PLEKHG2: variants seen among roughly 807,000 people sequenced by gnomAD.
The protein encoded by PLEKHG2 is pleckstrin homology domain-containing family G member 2.
Under a neutral mutation model 104.4 loss-of-function variants are expected in PLEKHG2, and 71 were observed. The ratio of observed to expected loss-of-function variants is 0.68; its 90% CI spans 0.56 to 0.83. The LOEUF is 0.83. PLEKHG2 is among the 40% of genes least tolerant of loss of function. The pLI, the probability that PLEKHG2 is intolerant of heterozygous loss-of-function variation, is 0.00. For missense variants in PLEKHG2, 1,730 were observed against 1,809.4 expected, an observed-to-expected ratio of 0.96 and a Z score of 0.80; for synonymous variants, 728 against 737.0, an observed-to-expected ratio of 0.99 and a Z score of 0.20.
In PLEKHG2 at chr19:39,425,342, TA is replaced by T; in HGVS notation, c.*49del. On this transcript the variant is annotated 3_prime_UTR_variant, in exon 19 of 19. Coordinates refer to ENST00000425673, the MANE Select transcript of PLEKHG2 (RefSeq NM_022835.3). ...AAGCAAGGATTTCAGCCAGATGCCA[TA>T]GACCCTCAGAACTTGACCTGGAAGT... 6.4e-7 allele frequency: 1 copy of T among 1,567,154 alleles called. No homozygotes were observed. Among genetic ancestry groups the T allele is most frequent in the East Asian group, 2.3e-5 (1 of 44,266 alleles).
intron 17 of PLEKHG2, 25 bp from the exon 18 acceptor site, chr19:39,422,707 G>T (rs757316890): frequency 2.6e-6 from 4 of 1,510,946 alleles, no homozygotes. Context: ...GATATGTTTG[G>T]CTTGTTCTCC....
intron 17 of PLEKHG2, 132 bp downstream of exon 17, chr19:39,422,420 G>T: frequency 9.3e-7 from 1 of 1,071,078 alleles, no homozygotes; most frequent in Non-Finnish European, 1.3e-6. Flanking sequence ...CTCTGTTGCC[G>T]AGGCTGGAGT....
intron 11 of PLEKHG2, among the ~76,000 whole-genome samples, chr19:39,419,498 T>C (rs1326129107): frequency 6.6e-6 from 1 of 152,108 alleles, no homozygotes; most frequent in Admixed American, 6.5e-5. Context: ...TCCCAACACT[T>C]TGGGAGACCA....
Position 39,425,051 on chromosome 19 carries a change from C to A in PLEKHG2, c.3918C>A (p.Gly1306=), listed in dbSNP as rs1251919088. The change falls in exon 19 of 19, where the codon GGC becomes GGA. Residue 1306 remains glycine (G), a synonymous_variant. Coordinates refer to ENST00000425673, the MANE Select transcript of PLEKHG2 (RefSeq NM_022835.3). ...PGGGAPAASR[G]SWSSAPTSRA... ...GAGGGGCCCCCGCAGCCTCCCGGGG[C>A]TCCTGGTCCTCTGCTCCCACGTCAC... The A allele has an allele frequency of 6.3e-7, 1 of 1,598,428 alleles. No individual in the cohort carries two copies. Among genetic ancestry groups the A allele is most frequent in the Admixed American group, 1.7e-5 (1 of 57,288 alleles).
At chr19:39,417,081 A>T in intron 7 of PLEKHG2, 81 bp downstream of exon 7, 2 of 1,455,692 alleles carry the variant, frequency 1.4e-6, no homozygotes, top group Non-Finnish European at 1.8e-6. Context: ...TGGAGGATGG[A>T]CCCCCCACGA....
chr19:39,417,756 T>TGGGGGGGGGGCTTGGGGGGGGGG, intron 8 of PLEKHG2, 64 bp downstream of exon 8: 2 of 343,300 alleles, frequency 5.8e-6, no homozygotes, highest in Non-Finnish European at 8.9e-6. Flanking sequence ...TTGGGGCGGG[T>TGGGGGGGGGGCTTGGGGGGGGGG]GGGGGGAAAT....
Position 39,414,062 on chromosome 19 carries a change from C to T in PLEKHG2, c.-22-3C>T, listed in dbSNP as rs1214557680. On this transcript the variant is annotated splice_region_variant and splice_polypyrimidine_tract_variant and intron_variant, in intron 1 of 18. Coordinates refer to ENST00000425673, the MANE Select transcript of PLEKHG2 (RefSeq NM_022835.3). ...GATATCCAAGAAGGGGCTCTTTCTGCAGGACTCTGCTGGGCCGCTCAGCCA... is the reference window on the plus strand; with the variant it reads ...GATATCCAAGAAGGGGCTCTTTCTGTAGGACTCTGCTGGGCCGCTCAGCCA... 1 of 1,543,788 alleles carries T rather than the reference C, an allele frequency of 6.5e-7. No individual in the cohort carries two copies. The highest frequency in any genetic ancestry group is 8.8e-7 in the Non-Finnish European group (1 of 1,140,842).
At position 39,418,805 on chromosome 19, in the gene PLEKHG2, C is replaced by G. The variant is rs754730104; in HGVS notation, c.1155C>G (p.Pro385=). 3 of 1,610,634 alleles carry G rather than the reference C, an allele frequency of 1.9e-6. No individual in the cohort carries two copies. Among genetic ancestry groups the G allele is most frequent in the Non-Finnish European group, 2.5e-6 (3 of 1,177,222 alleles). The change falls in exon 10 of 19, where the codon CCC becomes CCG. Residue 385 remains proline (P), a synonymous_variant. Coordinates refer to ENST00000425673, the MANE Select transcript of PLEKHG2 (RefSeq NM_022835.3). ...TCAAGGTGTCTGATCTGACCATTCC[C>G]AAGCACAGACACCTGCTCCAGGTGA... The part of the protein sequence containing the change: ...LGFKVSDLTI[P]KHRHLLQAKN...
In PLEKHG2 at chr19:39,425,212, A is replaced by C; in HGVS notation, c.4079A>C (p.His1360Pro). 1 of 1,613,134 alleles carries C rather than the reference A, an allele frequency of 6.2e-7. No individual in the cohort carries two copies. The highest frequency in any genetic ancestry group is 8.5e-7 in the Non-Finnish European group (1 of 1,179,942). Residue 1360 changes from histidine to proline, a missense_variant, in exon 19 of 19, where the codon CAC (histidine) becomes CCC (proline). His to Pro is a moderately conservative substitution (Grantham distance 77). Transcript: ENST00000425673. Reference protein sequence around the residue: ...RPAKAQVRLNHPALLASTQES... With the variant: ...RPAKAQVRLNPPALLASTQES... Reference sequence around the variant, plus strand: ...GCCAAGGCCCAGGTCCGGTTGAACCACCCTGCTCTCTTGGCCTCCACACAG... The same window carrying C: ...GCCAAGGCCCAGGTCCGGTTGAACCCCCCTGCTCTCTTGGCCTCCACACAG...
intron 11 of PLEKHG2, 50 bp from the exon 12 acceptor site, chr19:39,420,576 G>C: frequency 6.2e-7 from 1 of 1,612,774 alleles, no homozygotes; most frequent in Non-Finnish European, 8.5e-7. Flanking sequence ...TATCCTCTCT[G>C]TGGTACTCCA....
Position 39,413,973 on chromosome 19 carries a change from A to G in PLEKHG2, c.-22-92A>G. On this transcript the variant is annotated intron_variant, in intron 1 of 18. Transcript: ENST00000425673. This position sits in a 1 kb window ranked among gnomAD's most constrained non-coding sequence, Gnocchi z 4.5. ...CCCAGGGGCCCCTCCCTGGATTTAC[A>G]CCACGCTCCTAATTCCCAGCCCCCA... 1.2e-6 allele frequency: 1 copy of G among 840,826 alleles called. No individual in the cohort carries two copies. 52.1% of individuals were successfully genotyped at this position (840,826 alleles called of 1,614,324 possible).
In PLEKHG2 at chr19:39,418,854, A is replaced by G. The variant is rs1469453458; in HGVS notation, c.1176+28A>G. The G allele has an allele frequency of 3.1e-6, 5 of 1,596,188 alleles. No individual in the cohort carries two copies. In the African/African-American group the frequency reaches 4.0e-5, roughly 13 times the overall value. ...GAGCATGTAGTGGGATCAGGCTGGC[A>G]GGGATCCCCCAGCCTCGAGACCTCA... On this transcript the variant is annotated intron_variant, in intron 10 of 18. Coordinates refer to ENST00000425673, the MANE Select transcript of PLEKHG2 (RefSeq NM_022835.3).
Position 39,418,081 on chromosome 19 carries a change from G to C in PLEKHG2, c.1059G>C (p.Glu353Asp). ...TGGTGGCCAAGCGCAGGGGGCTGGA[G>C]TACACCTACAAAGGCCACATCTTCG... The part of the protein sequence containing the change: ...MLLVAKRRGL[E>D]YTYKGHIFCC... The change falls in exon 9 of 19, where the codon GAG becomes GAC. Residue 353 changes from glutamate (E) to aspartate (D), a missense_variant. Physicochemically the swap from Glu to Asp is conservative, Grantham distance 45 (BLOSUM62 2). Coordinates refer to ENST00000425673, the MANE Select transcript of PLEKHG2 (RefSeq NM_022835.3). 2 of 1,523,216 alleles carry C rather than the reference G, an allele frequency of 1.3e-6. No homozygotes were observed. The highest frequency in any genetic ancestry group is 1.4e-5 in the African/African-American group (1 of 72,052). 94.4% of individuals were successfully genotyped at this position (1,523,216 alleles called of 1,614,324 possible).
At chr19:39,422,052 T>C in intron 16 of PLEKHG2, 63 bp from the exon 17 acceptor site, 1 of 1,493,386 alleles carries the variant, frequency 6.7e-7, no homozygotes, top group Non-Finnish European at 9.0e-7. Context: ...GATTGGGACT[T>C]GGGGTCCTCT....
At position 39,416,385 on chromosome 19, in the gene PLEKHG2, G is replaced by A. The variant is rs138517241; in HGVS notation, c.517G>A (p.Gly173Arg). ...LEDLENSSSA[G>R]GIAECFVQRS... Reference sequence around the variant, plus strand: ...GGACTTGGAGAACAGCAGCAGCGCCGGGGGTATTGCCGAGTGCTTCGTGCA... The same window carrying A: ...GGACTTGGAGAACAGCAGCAGCGCCAGGGGTATTGCCGAGTGCTTCGTGCA... The change falls in exon 5 of 19, where the codon GGG (glycine) becomes AGG (arginine). Residue 173 changes from glycine to arginine, a missense_variant. Gly to Arg is a moderately radical substitution (Grantham distance 125). Coordinates refer to ENST00000425673, the MANE Select transcript of PLEKHG2 (RefSeq NM_022835.3). This position sits in a 1 kb window ranked among gnomAD's most constrained non-coding sequence, Gnocchi z 4.5. 7.4e-6 allele frequency: 12 copies of A among 1,613,028 alleles called. No homozygotes were observed. Among genetic ancestry groups the A allele is most frequent in the Admixed American group, 3.3e-5 (2 of 59,972 alleles).
Position 39,417,627 on chromosome 19 carries a change from A to G in PLEKHG2, c.817A>G (p.Met273Val), listed in dbSNP as rs146030563. 1.9e-6 allele frequency: 3 copies of G among 1,614,010 alleles called. No homozygotes were observed. The highest frequency in any genetic ancestry group is 2.5e-6 in the Non-Finnish European group (3 of 1,180,010). The change falls in exon 8 of 19, where the codon ATG becomes GTG. Residue 273 changes from methionine to valine, a missense_variant. Physicochemically the swap from Met to Val is conservative, Grantham distance 21 (BLOSUM62 1). Transcript: ENST00000425673. ...GATGGTGGAGGAAGCTATTGTGTCC[A>G]TGACAGCGGTTGCCTGGTACATCAA... ...REMVEEAIVSMTAVAWYINDM... is the reference protein window; with the variant it reads ...REMVEEAIVSVTAVAWYINDM...
Position 39,418,095 on chromosome 19 carries a change from G to C in PLEKHG2, c.1073G>C (p.Gly358Ala), listed in dbSNP as rs185199326. Reference sequence around the variant, plus strand: ...AGGGGGCTGGAGTACACCTACAAAGGCCACATCTTCGTGAGTTTGGGGATG... The same window carrying C: ...AGGGGGCTGGAGTACACCTACAAAGCCCACATCTTCGTGAGTTTGGGGATG... ...KRRGLEYTYKGHIFCCNLSVS... is the reference protein window; with the variant it reads ...KRRGLEYTYKAHIFCCNLSVS... Residue 358 changes from glycine (G) to alanine (A), a missense_variant, in exon 9 of 19, where the codon GGC becomes GCC. Physicochemically the swap from Gly to Ala is moderately conservative, Grantham distance 60. Transcript: ENST00000425673. 1.3e-6 allele frequency: 2 copies of C among 1,507,444 alleles called. No individual in the cohort carries two copies. Among genetic ancestry groups the C allele is most frequent in the East Asian group, 2.3e-5 (1 of 42,912 alleles). The allele number at this position is 1,507,444 out of a possible 1,614,324, so 93.4% of individuals were successfully genotyped here.
At chr19:39,418,564 G>A (rs1397429277) in intron 9 of PLEKHG2, among the ~76,000 whole-genome samples, 170 bp from the exon 10 acceptor site, 2 of 151,124 alleles carry the variant, frequency 1.3e-5, no homozygotes, top group South Asian at 2.1e-4. Context: ...GGGTGACAGA[G>A]CAAGACTCTG....
intron 17 of PLEKHG2, among the ~76,000 whole-genome samples, 178 bp downstream of exon 17, chr19:39,422,466 C>G (rs1189122404): frequency 2.0e-5 from 3 of 152,066 alleles, no homozygotes; most frequent in Non-Finnish European, 4.4e-5. Flanking sequence ...CAAGCTCTGC[C>G]TCCCAGGTTC....
Sources: gnomAD v4.1 joint callset for allele counts (sites outside exome capture counted in the v4.1 genomes callset) on GRCh38, gnomAD v4.1.1 for gene constraint, Gnocchi (gnomAD v3.1) non-coding constraint, MANE v1.5 for transcripts, NCBI Gene and HGNC (gene_info 2026-07-23, HGNC 2026-07-21) for gene names.